Variants in NR3C2 observed in about 807,000 individuals in gnomAD.
The protein encoded by NR3C2 is mineralocorticoid receptor.
In NR3C2, 15 loss-of-function variants were observed where a neutral mutation model predicts 86.4. That is an observed-to-expected ratio of 0.17 (90% CI 0.12 to 0.27). The LOEUF is 0.27. NR3C2 is among the 10% of genes least tolerant of loss of function. NR3C2 has a pLI of 1.00. For synonymous variants in NR3C2, 458 were observed against 450.5 expected (o/e 1.02, Z -0.21); for missense variants, 960 against 1,195.6 (o/e 0.80, Z 2.91).
intron 3 of NR3C2, among the ~76,000 whole-genome samples, chr4:148,235,262 T>TTATATATATATATATATA (rs370271975): frequency 1.8e-3 from 255 of 143,728 alleles, no homozygotes; most frequent in Middle Eastern, 7.1e-3. Flanking sequence ...TAAGTGGCAA[T>TTATATATATATATATATA]TATATATATA....
intron 3 of NR3C2, among the ~76,000 whole-genome samples, chr4:148,203,385 A>T (rs1736830205): frequency 6.6e-6 from 1 of 151,856 alleles, no homozygotes; most frequent in African/African-American, 2.4e-5. Context: ...TTTTAAAATT[A>T]ACTTTGTGCT....
chr4:148,118,516 C>A (rs1311884778), intron 7 of NR3C2, among the ~76,000 whole-genome samples: 1 of 152,192 alleles, frequency 6.6e-6, no homozygotes, highest in Admixed American at 6.5e-5. Context: ...GGTAACCCCA[C>A]TCACCATTGG....
chr4:148,298,820 CAT>C (rs1166555804), intron 2 of NR3C2, among the ~76,000 whole-genome samples: 2 of 152,188 alleles, frequency 1.3e-5, no homozygotes, highest in Non-Finnish European at 2.9e-5. Flanking sequence ...ATATTTAAAA[CAT>C]ATACTTGATG....
At chr4:148,396,839 A>C (rs1747884678) in intron 2 of NR3C2, among the ~76,000 whole-genome samples, 1 of 152,234 alleles carries the variant, frequency 6.6e-6, no homozygotes, top group Non-Finnish European at 1.5e-5. Context: ...TTCTTTACAC[A>C]GTAAGTATAT....
intron 2 of NR3C2, among the ~76,000 whole-genome samples, chr4:148,319,593 G>A (rs7678106): frequency 0.17 from 24,148 of 144,718 alleles, 2,104 homozygotes; most frequent in South Asian, 0.27. Context: ...GGTCCTTCAC[G>A]TCCCTTGTAA....
chr4:148,356,661 T>C (rs1745562366), intron 2 of NR3C2, among the ~76,000 whole-genome samples: 1 of 152,216 alleles, frequency 6.6e-6, no homozygotes, highest in African/African-American at 2.4e-5. Context: ...TAGCCTAATG[T>C]ATATGGTACA....
chr4:148,444,232 T>TAG (rs3216799), upstream of NR3C2: 376,390 of 985,030 alleles, frequency 0.38, 74,701 homozygotes, highest in African/African-American at 0.61. Context: ...ACGTGTCTCT[T>TAG]TTACTAAGTT....
At chr4:148,111,371 T>C (rs1408364632) in intron 8 of NR3C2, among the ~76,000 whole-genome samples, 1 of 152,252 alleles carries the variant, frequency 6.6e-6, no homozygotes, top group African/African-American at 2.4e-5. Context: ...CATATGCTTC[T>C]TGTGGGAACA....
intron 3 of NR3C2, among the ~76,000 whole-genome samples, chr4:148,199,246 T>C (rs1736595524): frequency 2.0e-5 from 3 of 152,062 alleles, no homozygotes; most frequent in Admixed American, 1.3e-4. Context: ...ACAAACGCCA[T>C]TCAGCTCCGA....
intron 2 of NR3C2, among the ~76,000 whole-genome samples, chr4:148,293,824 G>T (rs564773495): frequency 6.6e-6 from 1 of 152,104 alleles, no homozygotes; most frequent in Non-Finnish European, 1.5e-5. Context: ...AGAGGTAATG[G>T]TTACAAAAGT....
intron 2 of NR3C2, among the ~76,000 whole-genome samples, chr4:148,310,485 C>T (rs1742852700): frequency 6.6e-6 from 1 of 152,200 alleles, no homozygotes; most frequent in African/African-American, 2.4e-5. Context: ...TGTATATCAT[C>T]TCCTTTAACT....
chr4:148,188,785 G>A (rs2149797523), intron 4 of NR3C2, among the ~76,000 whole-genome samples: 1 of 152,240 alleles, frequency 6.6e-6, no homozygotes, highest in South Asian at 2.1e-4. Flanking sequence ...GAGGAGTGGT[G>A]ACAGTGGGCA....
intron 6 of NR3C2, among the ~76,000 whole-genome samples, chr4:148,132,904 A>T (rs1420962590): frequency 6.6e-6 from 1 of 152,204 alleles, no homozygotes; most frequent in East Asian, 1.9e-4. Flanking sequence ...ATACAGAAGA[A>T]CAACATTCTC....
chr4:148,175,578 T>C (rs1413181874), intron 4 of NR3C2, among the ~76,000 whole-genome samples: 3 of 152,240 alleles, frequency 2.0e-5, no homozygotes, highest in African/African-American at 7.2e-5. Context: ...TTTAATGCCA[T>C]GAAATTTAAG....
chr4:148,156,240 A>G (rs1734381274), intron 4 of NR3C2, among the ~76,000 whole-genome samples: 1 of 152,256 alleles, frequency 6.6e-6, no homozygotes, highest in African/African-American at 2.4e-5. Context: ...AGCAATGGCC[A>G]CAAAAGCCAA....
intron 2 of NR3C2, among the ~76,000 whole-genome samples, chr4:148,396,206 C>T (rs2126512367): frequency 6.6e-6 from 1 of 152,270 alleles, no homozygotes. Context: ...TGTACTGAAC[C>T]TATCATATGC....
chr4:148,109,499 A>G (rs1429500998), intron 8 of NR3C2, among the ~76,000 whole-genome samples: 3 of 152,332 alleles, frequency 2.0e-5, no homozygotes. Flanking sequence ...GTATATAAAC[A>G]TACATGCTCT....
chr4:148,129,592 T>G (rs1732921314), intron 6 of NR3C2, among the ~76,000 whole-genome samples: 1 of 152,116 alleles, frequency 6.6e-6, no homozygotes, highest in South Asian at 2.1e-4. Flanking sequence ...TGTTATAACT[T>G]TATTTATTTA....
chr4:148,442,788 G>T (rs1210174743), upstream of NR3C2: 2 of 985,310 alleles, frequency 2.0e-6, no homozygotes, highest in Admixed American at 1.2e-4. Flanking sequence ...GCCTCCGCAC[G>T]CTGCCCCCAC....
Sources: gnomAD v4.1 joint callset for allele counts (sites outside exome capture counted in the v4.1 genomes callset) on GRCh38, gnomAD v4.1.1 for gene constraint, MANE v1.5 for transcripts, NCBI Gene and HGNC (gene_info 2026-07-23, HGNC 2026-07-21) for gene names.